The following CAST variants were observed in gnomAD, a reference collection of about 807,000 sequenced individuals.
The protein encoded by CAST is MIR583 host.
In CAST, 76 loss-of-function variants were observed where a neutral mutation model predicts 119.6. The observed-to-expected ratio is 0.64, with a 90% CI of 0.53 to 0.77. The LOEUF is 0.77. Among genes scored for constraint, CAST ranks in the 30% least tolerant of loss-of-function variants. The pLI is 0.00. For synonymous variants in CAST, 319 were observed against 331.6 expected, an observed-to-expected ratio of 0.96 and a Z score of 0.41; for missense variants, 953 against 946.5, an observed-to-expected ratio of 1.01 and a Z score of -0.09.
At chr5:96,736,701 T>C (rs972028110) in intron 10 of CAST, among the ~76,000 whole-genome samples, 15 of 152,190 alleles carry the variant, frequency 9.9e-5, no homozygotes, top group African/African-American at 3.1e-4. Context: ...ATTTAAATAA[T>C]TATTTTTCAT....
chr5:96,290,502 T>C, the CAST span, among the ~76,000 whole-genome samples: 1 of 152,210 alleles, frequency 6.6e-6, no homozygotes. Context: ...CATTGTTTTT[T>C]AATGCATTGC....
chr5:96,183,132 C>A, the CAST span, among the ~76,000 whole-genome samples: 1 of 147,942 alleles, frequency 6.8e-6, no homozygotes, highest in East Asian at 2.0e-4. Flanking sequence ...CAGAACAAGA[C>A]TCTGTCTCAA....
rs1201266060 is a variant in CAST at position 96,757,437 on chromosome 5, C to CG, written c.1711-5dup. 6.2e-7 allele frequency: 1 copy of CG among 1,613,260 alleles called. No homozygotes were observed. Among genetic ancestry groups the CG allele is most frequent in the African/African-American group, 1.3e-5 (1 of 74,900 alleles). Reference sequence around the variant, plus strand: ...ATTTCATGCCATGTGTTTTCCCCCCCGGATAGGATAAAGATGGAAAGCCAC... The same window carrying CG: ...ATTTCATGCCATGTGTTTTCCCCCCCGGGATAGGATAAAGATGGAAAGCCAC... On this transcript the variant is annotated splice_region_variant and splice_polypyrimidine_tract_variant and intron_variant, in intron 22 of 31. Transcript: ENST00000675179.
chr5:96,134,948 G>A, the CAST span, among the ~76,000 whole-genome samples: 2 of 152,212 alleles, frequency 1.3e-5, no homozygotes, highest in African/African-American at 4.8e-5. Flanking sequence ...GGACATGGGA[G>A]CTGACAAGGA....
chr5:96,187,090 G>T, the CAST span, among the ~76,000 whole-genome samples: 1 of 152,146 alleles, frequency 6.6e-6, no homozygotes. Flanking sequence ...GGCTGTATGT[G>T]TCCAGGAGTT....
the CAST span, among the ~76,000 whole-genome samples, chr5:96,347,625 C>T: frequency 6.6e-6 from 1 of 152,106 alleles, no homozygotes; most frequent in African/African-American, 2.4e-5. Context: ...GAATCTCTTC[C>T]TTAGAACTCT....
chr5:96,028,804 T>C, the CAST span, among the ~76,000 whole-genome samples: 5 of 152,090 alleles, frequency 3.3e-5, no homozygotes, highest in Admixed American at 2.6e-4. Flanking sequence ...TTCATTCCTA[T>C]TGTAAAAAGT....
At chr5:96,616,742 C>A (rs1275598302) in intron 1 of CAST, among the ~76,000 whole-genome samples, 27 of 107,594 alleles carry the variant, frequency 2.5e-4, no homozygotes, top group African/African-American at 9.3e-4. Flanking sequence ...CTCTCTCTCT[C>A]TCTATATATA....
the CAST span, chr5:96,408,071 G>A: frequency 7.2e-6 from 5 of 690,352 alleles, no homozygotes; most frequent in South Asian, 4.6e-5. Flanking sequence ...TGTTAACTAT[G>A]GTTAGTGACC....
At chr5:96,746,305 A>T (rs1451008334) in intron 16 of CAST, 37 bp from the exon 17 acceptor site, 2 of 1,167,310 alleles carry the variant, frequency 1.7e-6, no homozygotes, top group Admixed American at 3.4e-5. Flanking sequence ...TATGTGCATT[A>T]TCCAACTACT....
chr5:96,198,616 G>A, the CAST span, among the ~76,000 whole-genome samples: 7 of 152,020 alleles, frequency 4.6e-5, no homozygotes, highest in African/African-American at 1.4e-4. Context: ...TCTCACTACT[G>A]AATTTTCTTT....
At position 96,741,254 on chromosome 5, in the gene CAST, CT is replaced by C; in HGVS notation, c.919-11del. 1 of 1,534,600 alleles carries C rather than the reference CT, an allele frequency of 6.5e-7. No homozygotes were observed. Among genetic ancestry groups the C allele is most frequent in the Non-Finnish European group, 9.0e-7 (1 of 1,109,404 alleles). ...TCCCGTAAGTTACCCATCACTGTGC[CT>C]GTTTCTTTAGAAACCCATAGGGCCA... On this transcript the variant is annotated splice_polypyrimidine_tract_variant and intron_variant, in intron 13 of 31. Transcript: ENST00000675179.
chr5:96,726,699 G>C (rs1759302992), intron 4 of CAST, 95 bp from the exon 5 acceptor site: 2 of 811,080 alleles, frequency 2.5e-6, no homozygotes, highest in Non-Finnish European at 2.0e-6. Context: ...TAGATGAATA[G>C]AATTGATATA....
the CAST span, among the ~76,000 whole-genome samples, chr5:96,292,455 C>G: frequency 6.6e-6 from 1 of 152,192 alleles, no homozygotes; most frequent in South Asian, 2.1e-4. Context: ...GTCTTATCAC[C>G]TGGAGAGTTG....
At chr5:96,260,995 CA>C in the CAST span, among the ~76,000 whole-genome samples, 1 of 152,168 alleles carries the variant, frequency 6.6e-6, no homozygotes, top group Non-Finnish European at 1.5e-5. Context: ...TGCTCATCCT[CA>C]GCAAAATTGC....
At chr5:96,424,401 G>C in the CAST span, among the ~76,000 whole-genome samples, 1 of 152,178 alleles carries the variant, frequency 6.6e-6, no homozygotes, top group African/African-American at 2.4e-5. Context: ...AACAATTTTA[G>C]ACTGTAGTTG....
the CAST span, among the ~76,000 whole-genome samples, chr5:96,108,202 C>A: frequency 6.6e-6 from 1 of 152,244 alleles, no homozygotes; most frequent in African/African-American, 2.4e-5. Context: ...ATTTGATCAT[C>A]TGAAGCCTTC....
the CAST span, among the ~76,000 whole-genome samples, chr5:96,203,926 T>C: frequency 6.6e-5 from 10 of 151,966 alleles, no homozygotes; most frequent in African/African-American, 2.4e-4. Context: ...GTAAAACAAA[T>C]AGACCGGGCT....
At chr5:95,990,385 C>G in the CAST span, among the ~76,000 whole-genome samples, 16 of 152,044 alleles carry the variant, frequency 1.1e-4, no homozygotes, top group South Asian at 2.1e-3. Flanking sequence ...AGTATAGGGG[C>G]AAACTAGTAT....
Sources: allele counts gnomAD v4.1 joint callset (sites outside exome capture counted in the v4.1 genomes callset), GRCh38; gene constraint gnomAD v4.1.1; transcripts MANE v1.5; gene names NCBI Gene and HGNC (gene_info 2026-07-23, HGNC 2026-07-21).